Variants in SVEP1 observed in about 807,000 individuals in gnomAD.
SVEP1 encodes the protein sushi, von Willebrand factor type A, EGF and pentraxin domain-containing protein 1.
A neutral mutation model predicts 367.3 loss-of-function variants in SVEP1; 164 were observed. The observed-to-expected ratio is 0.45, with a 90% CI of 0.39 to 0.51. The LOEUF (loss-of-function observed/expected upper bound fraction) is 0.51. SVEP1 is among the 20% of genes least tolerant of loss of function. The pLI is 0.00. For synonymous variants in SVEP1, 1,666 were observed against 1,611.6 expected (o/e 1.03, Z -0.81); for missense variants, 4,117 against 4,425.3 (o/e 0.93, Z 1.98).
At chr9:110,578,585 G>C (rs546895318) in intron 1 of SVEP1, among the ~76,000 whole-genome samples, 3 of 152,294 alleles carry the variant, frequency 2.0e-5, no homozygotes, top group Non-Finnish European at 4.4e-5. Flanking sequence ...AAAATAGGAA[G>C]GGCACGAATC....
At chr9:110,568,471 C>T (rs1032043981) in intron 1 of SVEP1, among the ~76,000 whole-genome samples, 2 of 152,124 alleles carry the variant, frequency 1.3e-5, no homozygotes, top group Non-Finnish European at 2.9e-5. Flanking sequence ...TTATTGCAAA[C>T]ATACTGACAA....
intron 1 of SVEP1, among the ~76,000 whole-genome samples, chr9:110,573,967 G>T (rs549396396): frequency 6.6e-6 from 1 of 152,200 alleles, no homozygotes; most frequent in Non-Finnish European, 1.5e-5. Flanking sequence ...GTTCTGAAGA[G>T]ACTATGTCTA....
At chr9:110,536,991 G>A (rs900695153) in intron 3 of SVEP1, among the ~76,000 whole-genome samples, 6 of 151,956 alleles carry the variant, frequency 3.9e-5, no homozygotes, top group East Asian at 3.9e-4. Flanking sequence ...GAATGATTGC[G>A]ATGATTGTGT....
chr9:110,378,583 G>A (rs1827386806), intron 44 of SVEP1, among the ~76,000 whole-genome samples: 1 of 152,104 alleles, frequency 6.6e-6, no homozygotes, highest in Non-Finnish European at 1.5e-5. Flanking sequence ...CTTTTGCTGT[G>A]CAGAAGCTCT....
At chr9:110,502,819 G>A (rs1241918031) in intron 6 of SVEP1, among the ~76,000 whole-genome samples, 1 of 151,460 alleles carries the variant, frequency 6.6e-6, no homozygotes, top group Non-Finnish European at 1.5e-5. Flanking sequence ...AAACCTCTGT[G>A]AGTTAGAAAA....
In SVEP1 at chr9:110,459,110, G is replaced by C; in HGVS notation, c.3326C>G (p.Pro1109Arg). ...ACGCGAGAATTTTCCTTCTGGACAAGGAACTGCAGAGGTAAAAACAAATCA... is the reference window on the plus strand; with the variant it reads ...ACGCGAGAATTTTCCTTCTGGACAACGAACTGCAGAGGTAAAAACAAATCA... ...GAVNISACGV[P>R]CPEGKFSRSG... The change falls in exon 19 of 48, where the codon CCT becomes CGT. Residue 1109 changes from proline to arginine, a missense_variant. Physicochemically the swap from Pro to Arg is moderately radical, Grantham distance 103. This residue lies in a region of SVEP1 where 2,174 missense variants were observed against 2,494.3 expected (regional missense o/e 0.87). Transcript: ENST00000374469. 1 of 1,613,322 alleles carries C rather than the reference G, an allele frequency of 6.2e-7. No individual in the cohort carries two copies. The highest frequency in any genetic ancestry group is 1.1e-5 in the South Asian group (1 of 91,014).
chr9:110,450,338 G>A (rs1365296533), intron 23 of SVEP1, 78 bp from the exon 24 acceptor site: 22 of 1,427,598 alleles, frequency 1.5e-5, no homozygotes, highest in South Asian at 3.8e-5. Flanking sequence ...TTGACTCCCT[G>A]GAGGATGCTG....
chr9:110,373,310 T>C (rs1827303836), intron 46 of SVEP1, among the ~76,000 whole-genome samples: 1 of 152,212 alleles, frequency 6.6e-6, no homozygotes, highest in African/African-American at 2.4e-5. Context: ...TCTACATTCA[T>C]GAATGGCTCA....
At chr9:110,432,662 C>A (rs368017657) in intron 30 of SVEP1, 27 bp from the exon 31 acceptor site, 25 of 1,579,228 alleles carry the variant, frequency 1.6e-5, no homozygotes, top group East Asian at 2.2e-5. Flanking sequence ...AAGAAGACAA[C>A]GACATTAAGA....
In SVEP1 at chr9:110,387,398, G is replaced by C. The variant is rs201866666; in HGVS notation, c.9947C>G (p.Thr3316Arg). Reference protein sequence around the residue: ...LNGKADIENRTTGPNVVYSCN... With the variant: ...LNGKADIENRRTGPNVVYSCN... ...GGAATATACCACGTTGGGTCCAGTC[G>C]TCCTGTTTTCAATGTCAGCTTTCCC... is the stretch of plus-strand genomic sequence containing the variant. Residue 3316 changes from threonine to arginine, a missense_variant, in exon 42 of 48, where the codon ACG becomes AGG. Transcript: ENST00000374469. The C allele has an allele frequency of 3.7e-6, 6 of 1,613,368 alleles. No individual in the cohort carries two copies. The Admixed American group carries it at 1.0e-4, about 27-fold the overall frequency.
chr9:110,408,793 CG>C lies in SVEP1; in HGVS notation c.6806del (p.Pro2269ArgfsTer7). ...CVPLDCGKPP[P>X]IQNGFMKGEN... ...CTCCTTTCATGAAGCCATTCTGGAT[CG>C]GGGGAGGTTTTCCACAGTCGAGAGG... On this transcript the variant is annotated frameshift_variant, in exon 38 of 48. Coordinates refer to ENST00000374469, the MANE Select transcript of SVEP1 (RefSeq NM_153366.4). LOFTEE classifies it high-confidence loss of function. 1 of 1,613,044 alleles carries C rather than the reference CG, an allele frequency of 6.2e-7. No individual in the cohort carries two copies. Among genetic ancestry groups the C allele is most frequent in the Non-Finnish European group, 8.5e-7 (1 of 1,179,874 alleles).
chr9:110,470,225 T>C (rs1028401024), intron 16 of SVEP1, among the ~76,000 whole-genome samples: 2 of 152,128 alleles, frequency 1.3e-5, no homozygotes, highest in African/African-American at 4.8e-5. Context: ...GTGACTTTAA[T>C]GGGCATAGAG....
Position 110,408,878 on chromosome 9 carries a change from G to T in SVEP1, c.6722C>A (p.Pro2241His), listed in dbSNP as rs373881233. ...GCGATTGGCTTGGCAGACAAATACA[G>T]GACTTCCGACTGACTTATAGCCCGG... ...CNPGYKSVGS[P>H]VFVCQANRHW... is the part of the protein sequence containing the mutation. The change falls in exon 38 of 48, where the codon CCT becomes CAT. Residue 2241 changes from proline to histidine, a missense_variant. By Grantham distance (77) the Pro-to-His change is moderately conservative. Transcript: ENST00000374469. 1.9e-6 allele frequency: 3 copies of T among 1,613,428 alleles called. No individual in the cohort carries two copies. The highest frequency in any genetic ancestry group is 2.5e-6 in the Non-Finnish European group (3 of 1,179,808).
chr9:110,457,109 T>C (rs2118630461), intron 21 of SVEP1, 147 bp downstream of exon 21: 4 of 564,064 alleles, frequency 7.1e-6, no homozygotes, highest in Non-Finnish European at 1.2e-5. Flanking sequence ...TTTTCACCTA[T>C]TGTTTATCTT....
chr9:110,409,008 A>C, intron 37 of SVEP1, 57 bp from the exon 38 acceptor site: 2 of 1,502,764 alleles, frequency 1.3e-6, no homozygotes, highest in South Asian at 2.7e-5. Context: ...GATAGCATTA[A>C]CTAAATCCTT....
At chr9:110,506,358 T>C (rs1829626572) in intron 5 of SVEP1, among the ~76,000 whole-genome samples, 1 of 152,194 alleles carries the variant, frequency 6.6e-6, no homozygotes, top group African/African-American at 2.4e-5. Context: ...AAGCCAAAAT[T>C]GACAAATGGG....
In SVEP1 at chr9:110,408,814, G is replaced by A. The variant is rs374240647; in HGVS notation, c.6786C>T (p.Leu2262=). 19 of 1,613,006 alleles carry A rather than the reference G, an allele frequency of 1.2e-5. No homozygotes were observed. Among genetic ancestry groups the A allele is most frequent in the East Asian group, 2.2e-5 (1 of 44,866 alleles). ...HSESPLMCVP[L]DCGKPPPIQN... ...GGATCGGGGGAGGTTTTCCACAGTC[G>A]AGAGGAACACACATCAGAGGGGATT... The change falls in exon 38 of 48, where the codon CTC becomes CTT. Residue 2262 remains leucine, a synonymous_variant. Coordinates refer to ENST00000374469, the MANE Select transcript of SVEP1 (RefSeq NM_153366.4).
In SVEP1 at chr9:110,549,919, C is replaced by T; in HGVS notation, c.717G>A (p.Lys239=). Residue 239 remains lysine, a synonymous_variant, in exon 2 of 48, where the codon AAG becomes AAA. Coordinates refer to ENST00000374469, the MANE Select transcript of SVEP1 (RefSeq NM_153366.4). ...TGTGTAGCAGGTAACAGTGCTCCTCCTTTGGGGTGGAAGCCATGTCATTCA... is the reference window on the plus strand; with the variant it reads ...TGTGTAGCAGGTAACAGTGCTCCTCTTTTGGGGTGGAAGCCATGTCATTCA... ...RELNDMASTP[K]EEHCYLLHSF... is the part of the protein sequence containing the mutation. 1 of 1,614,014 alleles carries T rather than the reference C, an allele frequency of 6.2e-7. No individual in the cohort carries two copies. The highest frequency in any genetic ancestry group is 8.5e-7 in the Non-Finnish European group (1 of 1,179,880).
chr9:110,375,920 T>C (rs1409601999), intron 45 of SVEP1, among the ~76,000 whole-genome samples: 5 of 148,806 alleles, frequency 3.4e-5, no homozygotes, highest in African/African-American at 1.0e-4. Flanking sequence ...GGGTTGGAGT[T>C]TGCAACATTT....
Sources: allele counts gnomAD v4.1 joint callset (sites outside exome capture counted in the v4.1 genomes callset), GRCh38; gene constraint gnomAD v4.1.1; regional missense constraint gnomAD v4.1.1; transcripts MANE v1.5; gene names NCBI Gene and HGNC (gene_info 2026-07-23, HGNC 2026-07-21).